Variants in BCR observed in about 807,000 individuals in gnomAD.
BCR encodes the protein BCR activator of RhoGEF and GTPase.
In BCR, 58 loss-of-function variants were observed where a neutral mutation model predicts 138.6. The observed-to-expected ratio is 0.42, with a 90% confidence interval of 0.34 to 0.52. BCR has a LOEUF of 0.52. Among genes scored for constraint, BCR ranks in the 20% least tolerant of loss-of-function variants. BCR has a pLI of 0.06. For missense variants in BCR, 1,599 were observed against 1,727.2 expected (o/e 0.93, Z 1.32); for synonymous variants, 786 against 730.1 (o/e 1.08, Z -1.23).
intron 1 of BCR, among the ~76,000 whole-genome samples, chr22:23,197,433 G>A (rs1284574854): frequency 6.6e-6 from 1 of 152,176 alleles, no homozygotes; most frequent in African/African-American, 2.4e-5. Flanking sequence ...ACAGTGTATT[G>A]TTATTACATT....
intron 1 of BCR, among the ~76,000 whole-genome samples, chr22:23,209,956 T>G (rs2072662863): frequency 6.6e-6 from 1 of 152,174 alleles, no homozygotes; most frequent in African/African-American, 2.4e-5. Context: ...CATATCAGAT[T>G]TTTACATTAT....
Position 23,315,801 on chromosome 22 carries a change from A to ACT in BCR, c.*279_*280insCT. The ACT allele has an allele frequency of 1.9e-6, 1 of 522,428 alleles. No individual in the cohort carries two copies. Among genetic ancestry groups the ACT allele is most frequent in the South Asian group, 1.8e-5 (1 of 54,764 alleles). 32.4% of individuals were successfully genotyped at this position (522,428 alleles called of 1,614,324 possible). ...CTCGGAGTCCAGGCCTGGCCCTGGGAGACAGGGTGAAGGGAGTGGTTTTTA... is the reference window on the plus strand; with the variant it reads ...CTCGGAGTCCAGGCCTGGCCCTGGGACTGACAGGGTGAAGGGAGTGGTTTTTA... On this transcript the variant is annotated 3_prime_UTR_variant, in exon 23 of 23. Coordinates refer to ENST00000305877, the MANE Select transcript of BCR (RefSeq NM_004327.4).
At chr22:23,211,514 C>G (rs2072682165) in intron 1 of BCR, among the ~76,000 whole-genome samples, 1 of 150,908 alleles carries the variant, frequency 6.6e-6, no homozygotes. Context: ...TTGAGACAGT[C>G]TCACTCTGTT....
In BCR at chr22:23,287,216, G is replaced by C; in HGVS notation, c.2464G>C (p.Glu822Gln). 1 of 1,565,798 alleles carries C rather than the reference G, an allele frequency of 6.4e-7. No individual in the cohort carries two copies. The highest frequency in any genetic ancestry group is 8.7e-7 in the Non-Finnish European group (1 of 1,154,472). The change falls in exon 11 of 23, where the codon GAG (glutamate) becomes CAG (glutamine). Residue 822 changes from glutamate (E) to glutamine (Q), a missense_variant. By Grantham distance (29) the Glu-to-Gln change is conservative. Transcript: ENST00000305877. ...ERLKKKLSEQ[E>Q]SLLLLMSPSM... is the part of the protein sequence containing the mutation. The stretch of plus-strand genomic sequence containing the variant: ...GCTGAAGAAGAAGCTGTCGGAGCAG[G>C]AGTCACTGCTGCTGCTTATGTCTCC...
At chr22:23,306,331 C>T (rs143705647) in intron 16 of BCR, 1 of 152,446 alleles carries the variant, frequency 6.6e-6, no homozygotes, top group African/African-American at 2.4e-5. Context: ...ATTGCTCAGC[C>T]AGCTAGCTCT....
rs760439736 is a variant in BCR, at chr22:23,181,135, C to T, written c.175C>T (p.Leu59=). The T allele has an allele frequency of 6.1e-6, 9 of 1,482,632 alleles. No homozygotes were observed. The African/African-American group carries it at 7.2e-5, about 12-fold the overall frequency. The allele number at this position is 1,482,632 out of a possible 1,614,324, so 91.8% of individuals were successfully genotyped here. The change falls in exon 1 of 23, where the codon CTG becomes TTG. Residue 59 remains leucine, a synonymous_variant. Coordinates refer to ENST00000305877, the MANE Select transcript of BCR (RefSeq NM_004327.4). ...VNQERFRMIY[L]QTLLAKEKKS... ...CCAGGAGCGCTTCCGCATGATCTAC[C>T]TGCAGACGTTGCTGGCCAAGGAAAA...
intron 1 of BCR, among the ~76,000 whole-genome samples, chr22:23,211,158 C>T (rs2072676747): frequency 6.6e-6 from 1 of 152,182 alleles, no homozygotes; most frequent in Admixed American, 6.5e-5. Flanking sequence ...TCACATGGTA[C>T]ATAGCTTTTG....
At chr22:23,242,796 A>G (rs773799091) in intron 1 of BCR, 1 of 449,476 alleles carries the variant, frequency 2.2e-6, no homozygotes, top group Non-Finnish European at 4.5e-6. Context: ...GCTTACAACA[A>G]CAAACATTTA....
chr22:23,308,585 G>A (rs1237992207), intron 16 of BCR, among the ~76,000 whole-genome samples: 8 of 152,190 alleles, frequency 5.3e-5, no homozygotes, highest in Admixed American at 5.2e-4. Flanking sequence ...GATTACAGGC[G>A]TGAGCCACCG....
chr22:23,305,517 A>T (rs1435966443), intron 16 of BCR, among the ~76,000 whole-genome samples: 2 of 152,246 alleles, frequency 1.3e-5, no homozygotes, highest in Non-Finnish European at 2.9e-5. Flanking sequence ...CTGGGCCCCC[A>T]GCAGAGCCAC....
At chr22:23,214,430 C>T (rs1192964402) in intron 1 of BCR, among the ~76,000 whole-genome samples, 2 of 152,260 alleles carry the variant, frequency 1.3e-5, no homozygotes, top group African/African-American at 4.8e-5. Flanking sequence ...CTCAGCCTCC[C>T]CACCCAACCT....
chr22:23,287,267 C>T lies in BCR; in HGVS notation c.2515C>T (p.Arg839Cys), dbSNP rs1333508168. The change falls in exon 11 of 23, where the codon CGC (arginine) becomes TGC (cysteine). Residue 839 changes from arginine to cysteine, a missense_variant. Arg to Cys is a radical substitution (Grantham distance 180, BLOSUM62 -3). Around this residue, in one of 4 missense-constraint regions of BCR, gnomAD observed 590 missense variants for 762.4 expected, o/e 0.77. Coordinates refer to ENST00000305877, the MANE Select transcript of BCR (RefSeq NM_004327.4). ...SPSMAFRVHS[R>C]NGKSYTFLIS... Reference sequence around the variant, plus strand: ...CAGCATGGCCTTCAGGGTGCACAGCCGCAACGGCAAGGTGAGCGCCTGCTG... The same window carrying T: ...CAGCATGGCCTTCAGGGTGCACAGCTGCAACGGCAAGGTGAGCGCCTGCTG... 9.0e-6 allele frequency: 14 copies of T among 1,549,476 alleles called. No homozygotes were observed. Among genetic ancestry groups the T allele is most frequent in the South Asian group, 7.2e-5 (6 of 83,300 alleles).
intron 1 of BCR, among the ~76,000 whole-genome samples, chr22:23,208,624 G>A (rs561425182): frequency 2.0e-5 from 3 of 152,190 alleles, no homozygotes; most frequent in East Asian, 1.9e-4. Context: ...AGTTCGAGGC[G>A]GGCAGACCAC....
intron 11 of BCR, 95 bp from the exon 12 acceptor site, chr22:23,288,002 G>T (rs1366813544): frequency 1.2e-5 from 15 of 1,208,322 alleles, no homozygotes; most frequent in Non-Finnish European, 1.8e-5. Flanking sequence ...GCCGGCTGGA[G>T]ATACGAGTTG....
Position 23,181,674 on chromosome 22 carries a change from C to T in BCR, c.714C>T (p.Ser238=), listed in dbSNP as rs1601981403. 2 of 1,606,730 alleles carry T rather than the reference C, an allele frequency of 1.2e-6. No individual in the cohort carries two copies. The highest frequency in any genetic ancestry group is 1.7e-6 in the Non-Finnish European group (2 of 1,179,832). The change falls in exon 1 of 23, where the codon AGC becomes AGT. Residue 238 remains serine, a synonymous_variant. Transcript: ENST00000305877. Reference sequence around the variant, plus strand: ...CTTACCGGGGACGCTCCTCGGAGAGCAGCTGCGGCGTCGACGGCGACTACG... The same window carrying T: ...CTTACCGGGGACGCTCCTCGGAGAGTAGCTGCGGCGTCGACGGCGACTACG... ...RPPYRGRSSE[S]SCGVDGDYED...
intron 1 of BCR, among the ~76,000 whole-genome samples, chr22:23,241,194 G>C (rs2073086179): frequency 6.6e-6 from 1 of 152,248 alleles, no homozygotes; most frequent in South Asian, 2.1e-4. Flanking sequence ...CAGAAGCGGG[G>C]CAGCCCAAGA....
chr22:23,204,244 G>C (rs1482179917), intron 1 of BCR, among the ~76,000 whole-genome samples: 1 of 152,128 alleles, frequency 6.6e-6, no homozygotes, highest in Non-Finnish European at 1.5e-5. Flanking sequence ...ACCCACGCTT[G>C]CTCCTCCTCT....
intron 1 of BCR, among the ~76,000 whole-genome samples, chr22:23,203,122 G>C (rs1192334805): frequency 6.6e-6 from 1 of 152,068 alleles, no homozygotes; most frequent in Non-Finnish European, 1.5e-5. Context: ...GGCTTCTCCT[G>C]AAGTGCTGGG....
chr22:23,193,036 A>G (rs2072434525), intron 1 of BCR, among the ~76,000 whole-genome samples: 1 of 152,152 alleles, frequency 6.6e-6, no homozygotes, highest in African/African-American at 2.4e-5. Flanking sequence ...AGAGCAAGGA[A>G]TTGAGCAGCC....
Sources: allele counts gnomAD v4.1 joint callset (sites outside exome capture counted in the v4.1 genomes callset), GRCh38; gene constraint gnomAD v4.1.1; regional missense constraint gnomAD v4.1.1; transcripts MANE v1.5; gene names NCBI Gene and HGNC (gene_info 2026-07-23, HGNC 2026-07-21).